LRIG3: variants seen among roughly 807,000 people sequenced by gnomAD.
LRIG3 encodes leucine rich repeats and immunoglobulin like domains 3.
LRIG3 carries 76 observed loss-of-function variants against 114.5 expected under a neutral mutation model. The ratio of observed to expected loss-of-function variants is 0.66; its 90% CI spans 0.55 to 0.80. LRIG3 has a LOEUF of 0.80. Ranked by LOEUF, LRIG3 falls within the 30% of genes least tolerant of loss-of-function variation. LRIG3 has a pLI of 0.00. For synonymous variants in LRIG3, 512 were observed against 519.8 expected, an observed-to-expected ratio of 0.98 and a Z score of 0.20; for missense variants, 1,239 against 1,382.8, an observed-to-expected ratio of 0.90 and a Z score of 1.65.
chr12:58,873,947 A>G (rs1306632954), intron 18 of LRIG3, 108 bp downstream of exon 18: 11 of 1,353,998 alleles, frequency 8.1e-6, no homozygotes, highest in African/African-American at 2.9e-5. Context: ...AGCCTCATTC[A>G]AGAAACCATT....
intron 3 of LRIG3, among the ~76,000 whole-genome samples, chr12:58,895,028 T>G (rs1871591204): frequency 5.3e-5 from 8 of 152,224 alleles, no homozygotes; most frequent in Admixed American, 5.2e-4. Context: ...AACCACGTAT[T>G]TTGGCCTCAG....
Position 58,891,960 on chromosome 12 carries a change from C to G in LRIG3, c.384-1164G>C, listed in dbSNP as rs149430298. ...CACTCCTGGTAGCTATCAAATGGTA[C>G]AGCACACATACAGAATGCTTCTACC... is the stretch of plus-strand genomic sequence containing the variant. On this transcript the variant is annotated intron_variant, in intron 3 of 18. Coordinates refer to ENST00000320743, the MANE Select transcript of LRIG3 (RefSeq NM_153377.5). Among the ~76,000 whole-genome samples, 7 of 151,770 alleles carry G rather than the reference C, an allele frequency of 4.6e-5. No homozygotes were observed. In the East Asian group the frequency reaches 1.2e-3, roughly 25 times the overall value.
chr12:58,885,138 C>A (rs181617355), intron 10 of LRIG3, among the ~76,000 whole-genome samples: 1 of 152,238 alleles, frequency 6.6e-6, no homozygotes, highest in East Asian at 1.9e-4. Context: ...GGACACTGTG[C>A]AAGTCGGGGC....
Position 58,877,505 on chromosome 12 carries a change from C to A in LRIG3, c.2431G>T (p.Val811Leu). The A allele has an allele frequency of 6.2e-7, 1 of 1,614,198 alleles. No individual in the cohort carries two copies. The highest frequency in any genetic ancestry group is 8.5e-7 in the Non-Finnish European group (1 of 1,180,050). ...ACACAGCAAACCACGGCTATGATCA[C>A]GACACCCACAGTGGCCCATCCGTCA... ...DDDGWATVGVVIIAVVCCVVG... is the reference protein window; with the variant it reads ...DDDGWATVGVLIIAVVCCVVG... The change falls in exon 15 of 19, where the codon GTG (valine) becomes TTG (leucine). Residue 811 changes from valine (V) to leucine (L), a missense_variant. By Grantham distance (32) the Val-to-Leu change is conservative (BLOSUM62 1). Transcript: ENST00000320743.
intron 3 of LRIG3, among the ~76,000 whole-genome samples, chr12:58,895,929 C>T (rs1354063187): frequency 6.6e-6 from 1 of 152,184 alleles, no homozygotes; most frequent in Non-Finnish European, 1.5e-5. Flanking sequence ...TCCAGCTCTG[C>T]AGCCTCTGGC....
Position 58,890,751 on chromosome 12 carries a change from C to A in LRIG3, c.429G>T (p.Glu143Asp). The part of the protein sequence containing the change: ...IVEILPEHLK[E>D]FQSLETLDLS... ...GGTCCAAAGTTTCAAGGGACTGAAACTCTTTCAGATGTTCAGGGAGTATTT... is the reference window on the plus strand; with the variant it reads ...GGTCCAAAGTTTCAAGGGACTGAAAATCTTTCAGATGTTCAGGGAGTATTT... Residue 143 changes from glutamate (E) to aspartate (D), a missense_variant, in exon 4 of 19, where the codon GAG becomes GAT. Physicochemically the swap from Glu to Asp is conservative, Grantham distance 45. Transcript: ENST00000320743. The A allele has an allele frequency of 6.2e-7, 1 of 1,606,318 alleles. No individual in the cohort carries two copies. The highest frequency in any genetic ancestry group is 1.1e-5 in the South Asian group (1 of 89,184).
chr12:58,918,891 C>T (rs75044985), intron 1 of LRIG3, among the ~76,000 whole-genome samples: 2,697 of 152,272 alleles, frequency 0.018, 78 homozygotes, highest in East Asian at 0.1. Context: ...ATTCTACATT[C>T]ACAAAAGTTA....
At chr12:58,911,916 A>C (rs1273217068) in intron 3 of LRIG3, among the ~76,000 whole-genome samples, 1 of 152,228 alleles carries the variant, frequency 6.6e-6, no homozygotes, top group Non-Finnish European at 1.5e-5. Flanking sequence ...CTCCACATTG[A>C]ATTATCAGGC....
intron 3 of LRIG3, among the ~76,000 whole-genome samples, chr12:58,913,089 A>G (rs1328393664): frequency 2.0e-5 from 3 of 152,052 alleles, no homozygotes; most frequent in Admixed American, 6.6e-5. Context: ...GCAATTGGGT[A>G]GTGATCACTC....
rs200418411 is a variant in LRIG3 at position 58,890,037 on chromosome 12, A to C, written c.618T>G (p.Ala206=). The C allele has an allele frequency of 8.7e-6, 14 of 1,613,760 alleles. No individual in the cohort carries two copies. In the East Asian group the frequency reaches 1.3e-4, roughly 15 times the overall value. ...GCAGTTTAAACATCTTGGGTGGGAT[A>C]GCTGAGATTCGGTTCCTGTTCAGCT... ...VLKLNRNRIS[A]IPPKMFKLPQ... The change falls in exon 5 of 19, where the codon GCT becomes GCG. Residue 206 remains alanine, a synonymous_variant. Transcript: ENST00000320743.
chr12:58,897,236 T>G (rs1871675790), intron 3 of LRIG3, among the ~76,000 whole-genome samples: 2 of 152,194 alleles, frequency 1.3e-5, no homozygotes, highest in South Asian at 4.1e-4. Flanking sequence ...GACAGATTCT[T>G]GATGAAGAAT....
chr12:58,874,295 G>C lies in LRIG3; in HGVS notation c.2875C>G (p.His959Asp), dbSNP rs774790509. 2 of 1,613,184 alleles carry C rather than the reference G, an allele frequency of 1.2e-6. No individual in the cohort carries two copies. The highest frequency in any genetic ancestry group is 1.7e-6 in the Non-Finnish European group (2 of 1,179,730). Reference sequence around the variant, plus strand: ...TTCTTTATGTAACTGGGCTCATAGTGGTCCATTAAAACTGTTCTTGGGTCA... The same window carrying C: ...TTCTTTATGTAACTGGGCTCATAGTCGTCCATTAAAACTGTTCTTGGGTCA... The part of the protein sequence containing the change: ...SPDPRTVLMD[H>D]YEPSYIKKKE... Residue 959 changes from histidine (H) to aspartate (D), a missense_variant, in exon 18 of 19, where the codon CAC (histidine) becomes GAC (aspartate). Physicochemically the swap from His to Asp is moderately conservative, Grantham distance 81. Coordinates refer to ENST00000320743, the MANE Select transcript of LRIG3 (RefSeq NM_153377.5).
At chr12:58,889,690 G>C (rs1211836309) in intron 5 of LRIG3, among the ~76,000 whole-genome samples, 1 of 152,038 alleles carries the variant, frequency 6.6e-6, no homozygotes, top group African/African-American at 2.4e-5. Context: ...ATAAACCACA[G>C]CTGTTGAGAC....
chr12:58,873,979 G>A, intron 18 of LRIG3, 76 bp downstream of exon 18: 1 of 1,513,564 alleles, frequency 6.6e-7, no homozygotes, highest in African/African-American at 1.4e-5. Flanking sequence ...TGACATTCAA[G>A]GCTGTCATTG....
Position 58,887,936 on chromosome 12 carries a change from T to C in LRIG3, c.948-4A>G, listed in dbSNP as rs551039450. Reference sequence around the variant, plus strand: ...TAAGTGATTGAAAGTTAGGTCCCTGTAAAGAAAAAAGAGAAAAGCAATAGC... The same window carrying C: ...TAAGTGATTGAAAGTTAGGTCCCTGCAAAGAAAAAAGAGAAAAGCAATAGC... On this transcript the variant is annotated splice_region_variant and splice_polypyrimidine_tract_variant and intron_variant, in intron 7 of 18. Coordinates refer to ENST00000320743, the MANE Select transcript of LRIG3 (RefSeq NM_153377.5). 1.2e-6 allele frequency: 2 copies of C among 1,603,402 alleles called. No homozygotes were observed. Among genetic ancestry groups the C allele is most frequent in the East Asian group, 4.5e-5 (2 of 44,786 alleles).
rs1872536918 is a variant in LRIG3 at position 58,917,857 on chromosome 12, TAAG to T, written c.236+2140_236+2142del. 2.6e-5 allele frequency among the ~76,000 whole-genome samples: 4 copies of T among 152,332 alleles called. No homozygotes were observed. In the South Asian group the frequency reaches 8.3e-4, roughly 32 times the overall value. On this transcript the variant is annotated intron_variant, in intron 1 of 18. Coordinates refer to ENST00000320743, the MANE Select transcript of LRIG3 (RefSeq NM_153377.5). ...TATCTGAACTCGGAAATCATCTCCT[TAAG>T]ACGATTTTTCTAATTACGAAAAACT...
intron 3 of LRIG3, among the ~76,000 whole-genome samples, chr12:58,901,175 A>C (rs1473147673): frequency 1.3e-5 from 2 of 152,210 alleles, no homozygotes; most frequent in Non-Finnish European, 2.9e-5. Context: ...GCCCATGTAA[A>C]AGCAATTCTT....
rs765977176 is a variant in LRIG3, at chr12:58,880,887, G to A, written c.1495C>T (p.Pro499Ser). 1.2e-6 allele frequency: 2 copies of A among 1,610,870 alleles called. No homozygotes were observed. The change falls in exon 13 of 19, where the codon CCC becomes TCC. Residue 499 changes from proline (P) to serine (S), a missense_variant. Physicochemically the swap from Pro to Ser is moderately conservative, Grantham distance 74. Coordinates refer to ENST00000320743, the MANE Select transcript of LRIG3 (RefSeq NM_153377.5). ...DGFVCDDFPK[P>S]QITVQPETQS... ...GTTTCTGGCTGAACCGTGATCTGGG[G>A]TTTGGGAAAATCATCTGTTAAAAAT...
chr12:58,919,440 G>A, intron 1 of LRIG3: 1 of 1,551,620 alleles, frequency 6.4e-7, no homozygotes, highest in Non-Finnish European at 8.7e-7. Flanking sequence ...CTGCTAATGT[G>A]AAAAAGCAAG....
Sources: allele counts gnomAD v4.1 joint callset (sites outside exome capture counted in the v4.1 genomes callset), GRCh38; gene constraint gnomAD v4.1.1; transcripts MANE v1.5; gene names NCBI Gene and HGNC (gene_info 2026-07-23, HGNC 2026-07-21).